Variants in ABHD2 observed in about 807,000 individuals in gnomAD.
ABHD2 encodes the protein monoacylglycerol lipase ABHD2.
Under a neutral mutation model 48.1 loss-of-function variants are expected in ABHD2, and 20 were observed. The observed-to-expected ratio is 0.42, with a 90% CI of 0.29 to 0.60. The LOEUF (loss-of-function observed/expected upper bound fraction) is 0.60, where lower values mean the gene tolerates loss of function less well. Among genes scored for constraint, ABHD2 ranks in the 20% least tolerant of loss-of-function variants. The pLI is 0.24. For synonymous variants in ABHD2, 209 were observed against 214.2 expected (o/e 0.98, Z 0.21); for missense variants, 405 against 550.9 (o/e 0.74, Z 2.65).
the ABHD2 span, among the ~76,000 whole-genome samples, chr15:89,068,185 CAT>C: frequency 4.2e-5 from 5 of 118,184 alleles, no homozygotes; most frequent in Admixed American, 4.6e-4. Context: ...TACATACACA[CAT>C]GTGCGCGTGC....
chr15:89,152,767 G>C (rs899503323), intron 4 of ABHD2, among the ~76,000 whole-genome samples: 7 of 152,098 alleles, frequency 4.6e-5, no homozygotes, highest in African/African-American at 1.7e-4. Context: ...AATTTTCATT[G>C]CTGCTGGAAT....
Position 89,188,158 on chromosome 15 carries a change from A to G in ABHD2, c.816-35A>G, listed in dbSNP as rs2051242933. On this transcript the variant is annotated intron_variant, in intron 7 of 10. Transcript: ENST00000352732. The surrounding 1 kb of genome is among the most constrained non-coding windows in gnomAD (Gnocchi z 4.1). ...TATGCCATGGTTGTTCATCCTCCAC[A>G]TCTTAATCTCTGTTTGCTTTTGTGT... 6 of 1,590,242 alleles carry G rather than the reference A, an allele frequency of 3.8e-6. No homozygotes were observed. In the Admixed American group the frequency reaches 8.3e-5, roughly 22 times the overall value.
At chr15:89,096,303 A>G (rs941977287) in intron 1 of ABHD2, among the ~76,000 whole-genome samples, 2 of 152,260 alleles carry the variant, frequency 1.3e-5, no homozygotes, top group African/African-American at 2.4e-5. Flanking sequence ...GATCTCTGTA[A>G]TCGTAAAAGT....
Position 89,201,903 on chromosome 15 carries a change from T to C in ABHD2, c.*6480T>C, listed in dbSNP as rs1027128030. On this transcript the variant is annotated 3_prime_UTR_variant, in exon 11 of 11. Transcript: ENST00000352732. The stretch of plus-strand genomic sequence containing the variant: ...AGTTCGCATCTCTCCTTTTCCTGGT[T>C]AGACTCTGTTCAACCACATTCTTAT... 3 of 622,424 alleles carry C rather than the reference T, an allele frequency of 4.8e-6. No homozygotes were observed. In the African/African-American group the frequency reaches 5.5e-5, roughly 11 times the overall value. 38.6% of individuals were successfully genotyped at this position (622,424 alleles called of 1,614,324 possible). A position where few individuals can be genotyped will look rare whatever the true frequency, so the allele number is the denominator to read the frequency against.
chr15:89,073,989 G>A, the ABHD2 span, among the ~76,000 whole-genome samples: 2 of 152,188 alleles, frequency 1.3e-5, no homozygotes, highest in African/African-American at 4.8e-5. Context: ...AAGAGAAAGG[G>A]CTTTGGGATT....
rs1340795538 is a variant in ABHD2, at chr15:89,186,012, T to C, written c.815+496T>C. Reference sequence around the variant, plus strand: ...GTCCCAAGCTACTGAATTTGCCAAATTGCCTTATGCTTTTATAATTCCCAG... The same window carrying C: ...GTCCCAAGCTACTGAATTTGCCAAACTGCCTTATGCTTTTATAATTCCCAG... On this transcript the variant is annotated intron_variant, in intron 7 of 10. Transcript: ENST00000352732. This position sits in a 1 kb window ranked among gnomAD's most constrained non-coding sequence, Gnocchi z 4.3. 6.6e-6 allele frequency among the ~76,000 whole-genome samples: 1 copy of C among 152,198 alleles called. No individual in the cohort carries two copies.
At chr15:89,078,078 A>G in the ABHD2 span, among the ~76,000 whole-genome samples, 4,976 of 152,262 alleles carry the variant, frequency 0.033, 277 homozygotes, top group African/African-American at 0.11. Context: ...CCTTGGGATC[A>G]TCTCTGACCC....
chr15:89,106,068 C>T lies in ABHD2; in HGVS notation c.-106-7657C>T, dbSNP rs1405989701. On this transcript the variant is annotated intron_variant, in intron 1 of 10. Coordinates refer to ENST00000352732, the MANE Select transcript of ABHD2 (RefSeq NM_152924.5). The surrounding 1 kb of genome is among the most constrained non-coding windows in gnomAD (Gnocchi z 4.2). Reference sequence around the variant, plus strand: ...GTAGCTCACGCCTGTAATTCCAGCACTTTGGGAGGCCGAGGCAGGTGGATC... The same window carrying T: ...GTAGCTCACGCCTGTAATTCCAGCATTTTGGGAGGCCGAGGCAGGTGGATC... Among the ~76,000 whole-genome samples, 3 of 152,114 alleles carry T rather than the reference C, an allele frequency of 2.0e-5. No homozygotes were observed. Among genetic ancestry groups the T allele is most frequent in the Non-Finnish European group, 4.4e-5 (3 of 68,018 alleles).
rs1482122695 is a variant in ABHD2, at chr15:89,188,237, A to T, written c.860A>T (p.Glu287Val). The T allele has an allele frequency of 6.2e-7, 1 of 1,614,100 alleles. No homozygotes were observed. Among genetic ancestry groups the T allele is most frequent in the East Asian group, 2.2e-5 (1 of 44,876 alleles). ...CATGTTAAGAAACCCCAGAGCCTGG[A>T]AGACACGGACTTGAGCCGGCTCTAC... ...GDHVKKPQSL[E>V]DTDLSRLYTA... Residue 287 changes from glutamate (E) to valine (V), a missense_variant, in exon 8 of 11, where the codon GAA becomes GTA. Glu to Val is a moderately radical substitution (Grantham distance 121). Coordinates refer to ENST00000352732, the MANE Select transcript of ABHD2 (RefSeq NM_152924.5). The surrounding 1 kb of genome is among the most constrained non-coding windows in gnomAD (Gnocchi z 4.1).
the ABHD2 span, among the ~76,000 whole-genome samples, chr15:89,054,498 G>T: frequency 0.17 from 25,572 of 150,354 alleles, 2,301 homozygotes; most frequent in Middle Eastern, 0.2. Flanking sequence ...CTGACCAACA[G>T]GATGAAACCC....
chr15:89,124,953 G>C (rs1286511892), intron 3 of ABHD2, among the ~76,000 whole-genome samples: 1 of 152,230 alleles, frequency 6.6e-6, no homozygotes, highest in East Asian at 1.9e-4. Flanking sequence ...GCCGGGCATG[G>C]TGGCAGGTGC....
intron 3 of ABHD2, among the ~76,000 whole-genome samples, chr15:89,138,366 A>G (rs2050348826): frequency 6.6e-6 from 1 of 152,214 alleles, no homozygotes; most frequent in South Asian, 2.1e-4. Flanking sequence ...CCATGAAAGT[A>G]GGGTAAAAAT....
chr15:89,123,452 G>A (rs905827968), intron 3 of ABHD2, among the ~76,000 whole-genome samples: 21 of 152,196 alleles, frequency 1.4e-4, no homozygotes, highest in East Asian at 1.9e-4. Flanking sequence ...GAGACTCATC[G>A]TGGGGAGGCA....
intron 1 of ABHD2, among the ~76,000 whole-genome samples, chr15:89,096,226 C>T (rs1596058991): frequency 6.6e-6 from 1 of 152,196 alleles, no homozygotes; most frequent in Non-Finnish European, 1.5e-5. Flanking sequence ...GCATTAGTCT[C>T]ATTACATTAA....
chr15:89,052,169 A>C, the ABHD2 span, among the ~76,000 whole-genome samples: 1 of 152,336 alleles, frequency 6.6e-6, no homozygotes, highest in East Asian at 1.9e-4. Flanking sequence ...TTCAGAATTC[A>C]GGGAGATGGG....
intron 9 of ABHD2, among the ~76,000 whole-genome samples, chr15:89,192,464 C>G (rs1162267130): frequency 2.0e-5 from 3 of 152,018 alleles, no homozygotes; most frequent in African/African-American, 7.2e-5. Flanking sequence ...TTTCCAATAT[C>G]CACCAGCCTA....
At chr15:89,190,077 A>C (rs1360673640) in intron 8 of ABHD2, among the ~76,000 whole-genome samples, 2 of 152,128 alleles carry the variant, frequency 1.3e-5, no homozygotes, top group Admixed American at 6.5e-5. Flanking sequence ...GGGCCCTACT[A>C]GTCCAGCCTG....
At chr15:89,057,735 G>A in the ABHD2 span, among the ~76,000 whole-genome samples, 1 of 151,654 alleles carries the variant, frequency 6.6e-6, no homozygotes, top group South Asian at 2.1e-4. Context: ...CCACCATGCG[G>A]CTTCCCAGTG....
chr15:89,178,693 A>T (rs1018051319), intron 6 of ABHD2, among the ~76,000 whole-genome samples: 1 of 152,200 alleles, frequency 6.6e-6, no homozygotes, highest in African/African-American at 2.4e-5. Flanking sequence ...AGGGACACAG[A>T]TGCCCTGAAA....
Sources: gnomAD v4.1 joint callset for allele counts (sites outside exome capture counted in the v4.1 genomes callset) on GRCh38, gnomAD v4.1.1 for gene constraint, Gnocchi (gnomAD v3.1) non-coding constraint, MANE v1.5 for transcripts, NCBI Gene and HGNC (gene_info 2026-07-23, HGNC 2026-07-21) for gene names.